Variants in NHSL2 observed in about 807,000 individuals in gnomAD.
NHSL2 encodes NHS like 2.
A neutral mutation model predicts 53.4 loss-of-function variants in NHSL2; 27 were observed. That is an observed-to-expected ratio of 0.51 (90% CI 0.37 to 0.70). The LOEUF is 0.70. NHSL2 is among the 30% of genes least tolerant of loss of function. The pLI is 0.00. For synonymous variants in NHSL2, 408 were observed against 404.1 expected (o/e 1.01, Z -0.12); for missense variants, 892 against 980.1 (o/e 0.91, Z 1.20).
chrX:72,074,315 C>T (rs185249058), intron 1 of NHSL2, among the ~76,000 whole-genome samples: 83 of 112,692 alleles, frequency 7.4e-4, no homozygotes, highest in African/African-American at 2.5e-3. Flanking sequence ...CTCACATCCT[C>T]GATTTCAGTA....
intron 1 of NHSL2, among the ~76,000 whole-genome samples, chrX:72,049,092 G>C (rs2042325400): frequency 9.1e-6 from 1 of 109,875 alleles, no homozygotes; most frequent in Admixed American, 9.6e-5. Flanking sequence ...AGGAGGAGGA[G>C]GAGGATTCAA....
chrX:72,078,867 C>T (rs920199812), intron 1 of NHSL2, among the ~76,000 whole-genome samples: 1 of 112,180 alleles, frequency 8.9e-6, no homozygotes, highest in African/African-American at 3.2e-5. Flanking sequence ...CTCCAGAGAC[C>T]CATGCATGAG....
chrX:72,005,528 G>A (rs2042090721), intron 1 of NHSL2, among the ~76,000 whole-genome samples: 1 of 112,038 alleles, frequency 8.9e-6, no homozygotes, highest in Non-Finnish European at 1.9e-5. Context: ...TGAACAACCA[G>A]AGATGCCTCT....
At chrX:72,101,556 G>T (rs2041994318) in intron 1 of NHSL2, among the ~76,000 whole-genome samples, 1 of 110,461 alleles carries the variant, frequency 9.1e-6, no homozygotes, top group Admixed American at 9.6e-5. Context: ...TTCTAAACGA[G>T]CCCTCCCCCA....
chrX:72,131,180 G>A (rs769441508), intron 1 of NHSL2: 4 of 1,186,402 alleles, frequency 3.4e-6, no homozygotes, highest in East Asian at 3.0e-5. Flanking sequence ...GGCAGCAGAG[G>A]GGGGTCAGCG....
intron 1 of NHSL2, among the ~76,000 whole-genome samples, chrX:71,978,023 C>T (rs143878383): frequency 1.1e-4 from 12 of 111,058 alleles, no homozygotes; most frequent in Non-Finnish European, 2.1e-4. Flanking sequence ...ACCTAACCTC[C>T]CTTGACCTCA....
Position 72,146,102 on chromosome X carries a change from A to G in NHSL2, c.*2528A>G, listed in dbSNP as rs188659706. 13 of 112,268 alleles carry G rather than the reference A, an allele frequency of 1.2e-4. No individual in the cohort carries two copies. The highest frequency in any genetic ancestry group is 3.8e-4 in the Admixed American group (4 of 10,635). The allele number at this position is 112,268 out of a possible 1,213,427, so 9.3% of individuals were successfully genotyped here. A position where few individuals can be genotyped will look rare whatever the true frequency, so the allele number is the denominator to read the frequency against. On this transcript the variant is annotated 3_prime_UTR_variant, in exon 8 of 8. Coordinates refer to ENST00000633930, the MANE Select transcript of NHSL2 (RefSeq NM_001013627.3). ...TTTTTGTAAAGATGGGGGTTTTGCT[A>G]TGTTGCCCACGCTGGTCTTGAACTC...
intron 1 of NHSL2, among the ~76,000 whole-genome samples, chrX:72,078,343 C>A (rs747592409): frequency 2.5e-4 from 28 of 112,639 alleles, no homozygotes; most frequent in Middle Eastern, 9.2e-3. Flanking sequence ...GAAGCAGTAT[C>A]AATGCCTAGG....
chrX:72,047,885 A>G (rs1397628879), intron 1 of NHSL2, among the ~76,000 whole-genome samples: 1 of 110,221 alleles, frequency 9.1e-6, no homozygotes, highest in East Asian at 2.9e-4. Context: ...AACTCCACTA[A>G]GCAGAGGGAT....
chrX:71,952,172 T>A (rs2041824023), intron 1 of NHSL2, among the ~76,000 whole-genome samples: 1 of 112,439 alleles, frequency 8.9e-6, no homozygotes, highest in South Asian at 3.7e-4. Context: ...GGTTGAAGTA[T>A]AGAAAATGTA....
At chrX:72,059,430 G>C (rs2042387762) in intron 1 of NHSL2, among the ~76,000 whole-genome samples, 2 of 111,228 alleles carry the variant, frequency 1.8e-5, no homozygotes, top group Non-Finnish European at 3.8e-5. Flanking sequence ...GACATTTAAG[G>C]CCTCCCTGGT....
chrX:72,066,865 C>T (rs1320952772), intron 1 of NHSL2, among the ~76,000 whole-genome samples: 1 of 112,052 alleles, frequency 8.9e-6, no homozygotes. Flanking sequence ...TGTGATAGCT[C>T]ACAGGTGTAA....
intron 1 of NHSL2, among the ~76,000 whole-genome samples, chrX:71,968,610 A>T (rs1019744209): frequency 4.5e-5 from 5 of 111,383 alleles, no homozygotes; most frequent in African/African-American, 1.6e-4. Context: ...TCATTGCCTA[A>T]CCCAATATCA....
intron 1 of NHSL2, among the ~76,000 whole-genome samples, chrX:71,918,848 A>T (rs1042475581): frequency 8.9e-6 from 1 of 112,603 alleles, no homozygotes; most frequent in East Asian, 2.8e-4. Context: ...GGGAGTGGTT[A>T]TATAAATTTT....
rs2042154672 is a variant in NHSL2 at position 72,020,422 on chromosome X, C to T, written c.280+109055C>T. On this transcript the variant is annotated intron_variant, in intron 1 of 7. Transcript: ENST00000633930. Reference sequence around the variant, plus strand: ...GACTCTTTAACCAGCTGCAGATCATCAGGCTAAATCCTCAAAGAACATACT... The same window carrying T: ...GACTCTTTAACCAGCTGCAGATCATTAGGCTAAATCCTCAAAGAACATACT... Among the ~76,000 whole-genome samples, 3 of 113,046 alleles carry T rather than the reference C, an allele frequency of 2.7e-5. No individual in the cohort carries two copies. In the South Asian group the frequency reaches 1.1e-3, roughly 41 times the overall value.
Position 72,142,355 on chromosome X carries a change from T to C in NHSL2, c.3347T>C (p.Val1116Ala). Residue 1116 changes from valine to alanine, a missense_variant, in exon 7 of 8, where the codon GTG becomes GCG. Physicochemically the swap from Val to Ala is moderately conservative, Grantham distance 64. Coordinates refer to ENST00000633930, the MANE Select transcript of NHSL2 (RefSeq NM_001013627.3). ...CGCACAACTGAAGATTTATTTACTG[T>C]GATACACAGGTCTGCACCAATTTCC... ...ASRTTEDLFTVIHRSKRKLLG... is the reference protein window; with the variant it reads ...ASRTTEDLFTAIHRSKRKLLG... 1 of 1,160,176 alleles carries C rather than the reference T, an allele frequency of 8.6e-7. No homozygotes were observed. Among genetic ancestry groups the C allele is most frequent in the Non-Finnish European group, 1.2e-6 (1 of 867,306 alleles).
At chrX:71,946,160 G>A (rs914743248) in intron 1 of NHSL2, among the ~76,000 whole-genome samples, 5 of 111,706 alleles carry the variant, frequency 4.5e-5, no homozygotes, top group Non-Finnish European at 9.4e-5. Context: ...AGTGCCATGG[G>A]AGGACAGAGA....
intron 1 of NHSL2, among the ~76,000 whole-genome samples, chrX:72,114,359 A>AG (rs1294693070): frequency 8.9e-6 from 1 of 112,196 alleles, no homozygotes; most frequent in African/African-American, 3.2e-5. Context: ...TCTCTGGAGC[A>AG]GGCCTCTGAG....
At position 72,139,303 on chromosome X, in the gene NHSL2, G is replaced by C. The variant is rs1038083171; in HGVS notation, c.1755G>C (p.Leu585Phe). 2 of 1,207,969 alleles carry C rather than the reference G, an allele frequency of 1.7e-6. No homozygotes were observed. Among genetic ancestry groups the C allele is most frequent in the African/African-American group, 3.5e-5 (2 of 57,713 alleles). The change falls in exon 6 of 8, where the codon TTG (leucine) becomes TTC (phenylalanine). Residue 585 changes from leucine (L) to phenylalanine (F), a missense_variant. By Grantham distance (22) the Leu-to-Phe change is conservative. Transcript: ENST00000633930. ...TGGTCAAAGATGAGCCAGGCCTCTT[G>C]CCTGAAGGTGGGTCAGCACTACCCA... ...VSLVKDEPGL[L>F]PEGGSALPKD... is the part of the protein sequence containing the mutation.
Sources: gnomAD v4.1 joint callset for allele counts (sites outside exome capture counted in the v4.1 genomes callset) on GRCh38, gnomAD v4.1.1 for gene constraint, MANE v1.5 for transcripts, NCBI Gene and HGNC (gene_info 2026-07-23, HGNC 2026-07-21) for gene names.